ZCCHC7: variants seen among roughly 807,000 people sequenced by gnomAD.
ZCCHC7 encodes the protein zinc finger CCHC domain-containing protein 7.
Under a neutral mutation model 52.0 loss-of-function variants are expected in ZCCHC7, and 35 were observed. That is an observed-to-expected ratio of 0.67 (90% confidence interval 0.51 to 0.89). The LOEUF is 0.89. ZCCHC7 is among the 40% of genes least tolerant of loss of function. The pLI is 0.00. For missense variants in ZCCHC7, 574 were observed against 649.1 expected, an observed-to-expected ratio of 0.88 and a Z score of 1.26; for synonymous variants, 217 against 221.5, an observed-to-expected ratio of 0.98 and a Z score of 0.18.
chr9:37,319,692 G>A (rs1462940878), intron 5 of ZCCHC7, among the ~76,000 whole-genome samples: 9 of 152,106 alleles, frequency 5.9e-5, no homozygotes. Context: ...TCAAGTGCTG[G>A]TATTACAGGC....
intron 2 of ZCCHC7, among the ~76,000 whole-genome samples, chr9:37,158,530 A>C (rs1820931813): frequency 6.6e-6 from 1 of 152,232 alleles, no homozygotes. Context: ...TGTGTCAGAC[A>C]AGTTTGAGAG....
chr9:37,212,701 G>A (rs1824307260), intron 2 of ZCCHC7, among the ~76,000 whole-genome samples: 1 of 152,078 alleles, frequency 6.6e-6, no homozygotes, highest in Admixed American at 6.6e-5. Flanking sequence ...TTCTCTCTCA[G>A]GATTAATTAA....
At chr9:37,301,461 G>A (rs1278611979) in intron 2 of ZCCHC7, among the ~76,000 whole-genome samples, 2 of 152,098 alleles carry the variant, frequency 1.3e-5, no homozygotes, top group African/African-American at 4.8e-5. Flanking sequence ...TTAGCCTAGC[G>A]TGGTGGCAAG....
At chr9:37,190,393 C>T (rs746452060) in intron 2 of ZCCHC7, among the ~76,000 whole-genome samples, 1 of 152,314 alleles carries the variant, frequency 6.6e-6, no homozygotes, top group East Asian at 1.9e-4. Context: ...TTCTCTTTGT[C>T]TATCCCTGAG....
chr9:37,328,019 G>C (rs1215503110), intron 6 of ZCCHC7, among the ~76,000 whole-genome samples, 185 bp downstream of exon 6: 1 of 151,874 alleles, frequency 6.6e-6, no homozygotes, highest in African/African-American at 2.4e-5. Flanking sequence ...CTATCTTCCT[G>C]TTCTTAAAAG....
At chr9:37,156,459 T>G (rs1820820656) in intron 2 of ZCCHC7, among the ~76,000 whole-genome samples, 1 of 152,224 alleles carries the variant, frequency 6.6e-6, no homozygotes, top group East Asian at 1.9e-4. Flanking sequence ...TATAATAGAG[T>G]GCCCTGTATA....
intron 2 of ZCCHC7, among the ~76,000 whole-genome samples, chr9:37,157,483 C>T (rs779912501): frequency 6.6e-6 from 1 of 151,844 alleles, no homozygotes; most frequent in Admixed American, 6.6e-5. Flanking sequence ...CAGAGTGAGA[C>T]CTTGTCTCAA....
intron 6 of ZCCHC7, among the ~76,000 whole-genome samples, chr9:37,344,303 A>G (rs934684612): frequency 2.6e-5 from 4 of 152,160 alleles, no homozygotes; most frequent in Admixed American, 2.6e-4. Flanking sequence ...ACAGCTACCA[A>G]CTAGTTATTG....
Position 37,357,193 on chromosome 9 carries a change from G to C in ZCCHC7, c.1557G>C (p.Lys519Asn). 1 of 1,612,418 alleles carries C rather than the reference G, an allele frequency of 6.2e-7. No individual in the cohort carries two copies. Among genetic ancestry groups the C allele is most frequent in the Non-Finnish European group, 8.5e-7 (1 of 1,179,626 alleles). Reference sequence around the variant, plus strand: ...AGGAAGGCAAGAGGGGCAAGCAGAAGAAAAAGGAGAGGTGCTGGGAAGATG... The same window carrying C: ...AGGAAGGCAAGAGGGGCAAGCAGAACAAAAAGGAGAGGTGCTGGGAAGATG... ...SPKEGKRGKQKKKERCWEDDD... is the reference protein window; with the variant it reads ...SPKEGKRGKQNKKERCWEDDD... Residue 519 changes from lysine to asparagine, a missense_variant, in exon 9 of 9, where the codon AAG becomes AAC. By Grantham distance (94) the Lys-to-Asn change is moderately conservative. Coordinates refer to ENST00000336755, the MANE Select transcript of ZCCHC7 (RefSeq NM_032226.3).
At chr9:37,185,370 C>T (rs1822596170) in intron 2 of ZCCHC7, among the ~76,000 whole-genome samples, 1 of 152,172 alleles carries the variant, frequency 6.6e-6, no homozygotes, top group East Asian at 1.9e-4. Flanking sequence ...TATCAGGTTA[C>T]AATTTAGAGC....
chr9:37,224,104 G>T (rs1824970321), intron 2 of ZCCHC7, among the ~76,000 whole-genome samples: 1 of 151,876 alleles, frequency 6.6e-6, no homozygotes, highest in Non-Finnish European at 1.5e-5. Flanking sequence ...TAATAAAGGG[G>T]TCACAAACAG....
chr9:37,194,678 G>T (rs1352052487), intron 2 of ZCCHC7, among the ~76,000 whole-genome samples: 2 of 152,152 alleles, frequency 1.3e-5, no homozygotes, highest in African/African-American at 2.4e-5. Flanking sequence ...CTTCAGGAAG[G>T]CTTCTGTGTG....
intron 2 of ZCCHC7, among the ~76,000 whole-genome samples, chr9:37,245,608 G>A (rs752102875): frequency 2.6e-5 from 4 of 151,916 alleles, no homozygotes; most frequent in Non-Finnish European, 4.4e-5. Flanking sequence ...ACAATACAAA[G>A]TGTAAGTACC....
At chr9:37,319,467 C>T (rs1427021883) in intron 5 of ZCCHC7, among the ~76,000 whole-genome samples, 1 of 151,902 alleles carries the variant, frequency 6.6e-6, no homozygotes, top group African/African-American at 2.4e-5. Flanking sequence ...TTACTCTGTC[C>T]CCCAGGCTGG....
At chr9:37,325,497 A>G (rs895983248) in intron 5 of ZCCHC7, among the ~76,000 whole-genome samples, 2 of 152,216 alleles carry the variant, frequency 1.3e-5, no homozygotes, top group Non-Finnish European at 2.9e-5. Flanking sequence ...TTTTCCATGC[A>G]ATAGATACAT....
chr9:37,184,683 G>A (rs189219883), intron 2 of ZCCHC7, among the ~76,000 whole-genome samples: 6 of 142,260 alleles, frequency 4.2e-5, no homozygotes, highest in Admixed American at 4.2e-4. Context: ...CCTCTGTCTG[G>A]TGATTTGTTG....
intron 1 of ZCCHC7, 72 bp from the exon 2 acceptor site, chr9:37,126,240 T>G (rs1842531698): frequency 4.4e-6 from 6 of 1,362,036 alleles, no homozygotes; most frequent in Non-Finnish European, 6.0e-6. Context: ...CACTGACAGG[T>G]GATATTGTTA....
chr9:37,204,195 T>G (rs1425378551), intron 2 of ZCCHC7, among the ~76,000 whole-genome samples: 1 of 152,352 alleles, frequency 6.6e-6, no homozygotes. Context: ...CTTTGTAAAT[T>G]CTGGATATTA....
chr9:37,120,706 C>G, intron 1 of ZCCHC7, 83 bp downstream of exon 1: 1 of 371,276 alleles, frequency 2.7e-6, no homozygotes, highest in Non-Finnish European at 4.8e-6. Context: ...GGCTGTGGAA[C>G]TAGCGCGTGC....
Sources: gnomAD v4.1 joint callset for allele counts (sites outside exome capture counted in the v4.1 genomes callset) on GRCh38, gnomAD v4.1.1 for gene constraint, MANE v1.5 for transcripts, NCBI Gene and HGNC (gene_info 2026-07-23, HGNC 2026-07-21) for gene names.